Variants in NDST4 observed in about 807,000 individuals in gnomAD.
NDST4 encodes the protein N-heparan sulfate sulfotransferase 4.
NDST4 carries 63 observed loss-of-function variants against 100.8 expected under a neutral mutation model. The observed-to-expected ratio is 0.62, with a 90% CI of 0.51 to 0.77. NDST4 has a LOEUF of 0.77. NDST4 is among the 30% of genes least tolerant of loss of function. The pLI is 0.00. For missense variants in NDST4, 943 were observed against 1,018.4 expected (o/e 0.93, Z 1.01); for synonymous variants, 377 against 361.8 (o/e 1.04, Z -0.48).
At chr4:114,874,497 T>A (rs1578357991) in intron 6 of NDST4, among the ~76,000 whole-genome samples, 1 of 152,288 alleles carries the variant, frequency 6.6e-6, no homozygotes, top group Admixed American at 6.5e-5. Flanking sequence ...CACTGTTGTA[T>A]GGGGCAACAT....
At position 115,061,792 on chromosome 4, in the gene NDST4, T is replaced by A. The variant is rs1042266922; in HGVS notation, c.978+14267A>T. On this transcript the variant is annotated intron_variant, in intron 2 of 13. Transcript: ENST00000264363. ...TATCCCAGAACTTAAAGTATAATTTTAAAAAAAGTAGACAGTGTTCAAAAT... is the reference window on the plus strand; with the variant it reads ...TATCCCAGAACTTAAAGTATAATTTAAAAAAAAGTAGACAGTGTTCAAAAT... Among the ~76,000 whole-genome samples, 39 of 151,916 alleles carry A rather than the reference T, an allele frequency of 2.6e-4. 1 individual carries two copies. Among genetic ancestry groups the A allele is most frequent in the Non-Finnish European group, 7.4e-5 (5 of 67,998 alleles).
intron 6 of NDST4, among the ~76,000 whole-genome samples, chr4:114,892,194 A>G (rs1578369743): frequency 6.6e-6 from 1 of 152,258 alleles, no homozygotes; most frequent in East Asian, 1.9e-4. Context: ...ATTCCCCAGC[A>G]TACTGATATT....
At chr4:115,066,043 T>C (rs1161729981) in intron 2 of NDST4, among the ~76,000 whole-genome samples, 1 of 152,186 alleles carries the variant, frequency 6.6e-6, no homozygotes, top group Non-Finnish European at 1.5e-5. Flanking sequence ...GAATAATTAC[T>C]GTCACCCTGT....
At chr4:114,885,487 G>T (rs1724458872) in intron 6 of NDST4, among the ~76,000 whole-genome samples, 1 of 152,072 alleles carries the variant, frequency 6.6e-6, no homozygotes, top group South Asian at 2.1e-4. Flanking sequence ...AATTGTCTCA[G>T]AATTCAATGC....
chr4:114,829,292 T>C (rs899145550), intron 13 of NDST4, among the ~76,000 whole-genome samples: 1 of 152,186 alleles, frequency 6.6e-6, no homozygotes, highest in African/African-American at 2.4e-5. Flanking sequence ...TTTGTCATTG[T>C]TTTACGTTTT....
chr4:114,899,081 G>A (rs1006520169), intron 6 of NDST4, among the ~76,000 whole-genome samples: 13 of 152,128 alleles, frequency 8.5e-5, no homozygotes, highest in African/African-American at 3.1e-4. Flanking sequence ...GGTGAGATGG[G>A]ACATCCTTGC....
intron 2 of NDST4, among the ~76,000 whole-genome samples, chr4:114,980,096 G>C (rs997900963): frequency 2.0e-5 from 3 of 151,814 alleles, no homozygotes; most frequent in Non-Finnish European, 4.4e-5. Flanking sequence ...TCCAATATAG[G>C]AATAATGTAA....
At chr4:114,916,773 C>T (rs900522239) in intron 6 of NDST4, among the ~76,000 whole-genome samples, 5 of 151,742 alleles carry the variant, frequency 3.3e-5, no homozygotes, top group Non-Finnish European at 1.5e-5. Flanking sequence ...GCAACTCTCC[C>T]ACCCTCCCAC....
In NDST4 at chr4:115,008,309, TTA is replaced by T. The variant is rs1491094828; in HGVS notation, c.979-31037_979-31036del. On this transcript the variant is annotated intron_variant, in intron 2 of 13. Transcript: ENST00000264363. The stretch of plus-strand genomic sequence containing the variant: ...AGTTTCTTCCTAGACTCGATGGTCT[TTA>T]CAATTTGGCATGATTTTGCAGTGGC... Among the ~76,000 whole-genome samples the T allele has an allele frequency of 3.1e-5, 4 of 129,350 alleles. 1 individual carries two copies. Among genetic ancestry groups the T allele is most frequent in the Non-Finnish European group, 6.6e-5 (4 of 60,366 alleles). The allele number at this position is 129,350 out of a possible 152,430, so 84.9% of individuals were successfully genotyped here. A position where few individuals can be genotyped will look rare whatever the true frequency, so the allele number is the denominator to read the frequency against.
At chr4:114,948,561 T>G (rs1725920690) in intron 4 of NDST4, among the ~76,000 whole-genome samples, 1 of 152,252 alleles carries the variant, frequency 6.6e-6, no homozygotes, top group South Asian at 2.1e-4. Flanking sequence ...TAAAATCATA[T>G]GAATTATTAT....
intron 6 of NDST4, among the ~76,000 whole-genome samples, chr4:114,925,474 C>G (rs1014882757): frequency 6.6e-6 from 1 of 152,136 alleles, no homozygotes; most frequent in Non-Finnish European, 1.5e-5. Context: ...AGAGCCAGCA[C>G]TAATCCATAA....
chr4:114,915,777 T>A (rs1484213315), intron 6 of NDST4, among the ~76,000 whole-genome samples: 2 of 151,940 alleles, frequency 1.3e-5, no homozygotes, highest in African/African-American at 2.4e-5. Flanking sequence ...GTATAATGAT[T>A]ATAGAAGCAA....
chr4:115,082,478 T>C (rs997761238), intron 1 of NDST4, among the ~76,000 whole-genome samples: 1 of 152,106 alleles, frequency 6.6e-6, no homozygotes, highest in African/African-American at 2.4e-5. Context: ...GAAAGCTAGA[T>C]ACTAAATCAC....
Position 115,019,003 on chromosome 4 carries a change from A to T in NDST4, c.979-41729T>A, listed in dbSNP as rs80343304. 6.9e-4 allele frequency among the ~76,000 whole-genome samples: 105 copies of T among 152,088 alleles called. No individual in the cohort carries two copies. In the East Asian group the frequency reaches 0.02, roughly 29 times the overall value. ...AACATTCCTTCCACTACTTCTTTAT[A>T]GCTCTCTCATTATCAAATCATCTAT... On this transcript the variant is annotated intron_variant, in intron 2 of 13. Coordinates refer to ENST00000264363, the MANE Select transcript of NDST4 (RefSeq NM_022569.3).
At chr4:114,872,431 G>GA (rs1724167984) in intron 6 of NDST4, among the ~76,000 whole-genome samples, 1 of 151,942 alleles carries the variant, frequency 6.6e-6, no homozygotes, top group East Asian at 1.9e-4. Flanking sequence ...TGACCAATCT[G>GA]ATAGATATCA....
chr4:115,102,881 G>T (rs1411026568), intron 1 of NDST4, among the ~76,000 whole-genome samples: 1 of 151,624 alleles, frequency 6.6e-6, no homozygotes, highest in Non-Finnish European at 1.5e-5. Context: ...GCTAATTTTT[G>T]TATTTTTAGT....
intron 1 of NDST4, among the ~76,000 whole-genome samples, chr4:115,104,729 T>C (rs1429133288): frequency 2.6e-5 from 4 of 152,062 alleles, no homozygotes; most frequent in Non-Finnish European, 5.9e-5. Context: ...GTTATTAATA[T>C]TAAAATATAT....
chr4:114,959,354 A>G (rs978892053), intron 4 of NDST4, among the ~76,000 whole-genome samples: 1 of 151,760 alleles, frequency 6.6e-6, no homozygotes, highest in Non-Finnish European at 1.5e-5. Context: ...TCATTTTCAT[A>G]CTGCTATGAA....
intron 1 of NDST4, among the ~76,000 whole-genome samples, chr4:115,094,829 T>G (rs1454919613): frequency 6.6e-6 from 1 of 152,042 alleles, no homozygotes; most frequent in East Asian, 1.9e-4. Context: ...CTGGAACAGA[T>G]CCTTCCCTAC....
Sources: allele counts gnomAD v4.1 joint callset (sites outside exome capture counted in the v4.1 genomes callset), GRCh38; gene constraint gnomAD v4.1.1; transcripts MANE v1.5; gene names NCBI Gene and HGNC (gene_info 2026-07-23, HGNC 2026-07-21).